Variants in DSTN observed in about 807,000 individuals in gnomAD.
DSTN encodes destrin, actin depolymerizing factor.
Under a neutral mutation model 16.8 loss-of-function variants are expected in DSTN, and 10 were observed. That is an observed-to-expected ratio of 0.60 (90% CI 0.37 to 1.01). The LOEUF (loss-of-function observed/expected upper bound fraction) is 1.01. Among genes scored for constraint, DSTN ranks in the 50% least tolerant of loss-of-function variants. DSTN has a pLI of 0.01. For synonymous variants in DSTN, 57 were observed against 58.9 expected (o/e 0.97, Z 0.14); for missense variants, 141 against 196.7 (o/e 0.72, Z 1.69).
chr20:17,584,849 A>G (rs1346234096), intron 1 of DSTN, among the ~76,000 whole-genome samples: 4 of 152,214 alleles, frequency 2.6e-5, no homozygotes, highest in East Asian at 1.9e-4. Context: ...AAAGTAAGTC[A>G]TAAGTATTTC....
intron 1 of DSTN, among the ~76,000 whole-genome samples, chr20:17,582,673 C>A (rs1229834218): frequency 2.0e-5 from 3 of 152,040 alleles, no homozygotes; most frequent in Non-Finnish European, 4.4e-5. Flanking sequence ...TATTTGGATC[C>A]CTGCTTCATA....
rs753726794 is a variant in DSTN, at chr20:17,600,811, C to T, written c.77C>T (p.Pro26Leu). ...ATGAAAGTTCGTAAATGCTCCACAC[C>T]AGAAGAAATCAAGAAAAGAAAGAAG... ...YDMKVRKCST[P>L]EEIKKRKKAV... Residue 26 changes from proline to leucine, a missense_variant, in exon 2 of 4, where the codon CCA (proline) becomes CTA (leucine). By Grantham distance (98) the Pro-to-Leu change is moderately conservative. Coordinates refer to ENST00000246069, the MANE Select transcript of DSTN (RefSeq NM_006870.4). 2 of 1,613,650 alleles carry T rather than the reference C, an allele frequency of 1.2e-6. No homozygotes were observed. Among genetic ancestry groups the T allele is most frequent in the Non-Finnish European group, 1.7e-6 (2 of 1,179,790 alleles).
chr20:17,601,080 C>A lies in DSTN; in HGVS notation c.311+35C>A, dbSNP rs1234569378. 3 of 1,545,632 alleles carry A rather than the reference C, an allele frequency of 1.9e-6. No homozygotes were observed. The South Asian group carries it at 3.8e-5, about 20-fold the overall frequency. On this transcript the variant is annotated intron_variant, in intron 2 of 3. Transcript: ENST00000246069. ...TTAGAAATATTGAGCCTCTGTAAAA[C>A]TCATTTTGTTAGCACTCGGGAAGAC...
At chr20:17,582,697 T>A (rs2035359774) in intron 1 of DSTN, among the ~76,000 whole-genome samples, 1 of 152,196 alleles carries the variant, frequency 6.6e-6, no homozygotes, top group Non-Finnish European at 1.5e-5. Context: ...TATGTTGTAT[T>A]TAACTTAAAA....
intron 1 of DSTN, among the ~76,000 whole-genome samples, chr20:17,580,582 A>G (rs1252962264): frequency 2.0e-5 from 3 of 152,150 alleles, no homozygotes; most frequent in African/African-American, 7.2e-5. Context: ...CCCTGTCTCT[A>G]CTAAAAATAC....
intron 3 of DSTN, among the ~76,000 whole-genome samples, chr20:17,605,733 G>T (rs1439385569): frequency 6.6e-6 from 1 of 152,160 alleles, no homozygotes; most frequent in Non-Finnish European, 1.5e-5. Context: ...GTTCACAGTG[G>T]ATTCCTTATT....
At chr20:17,581,772 T>TA (rs1324353219) in intron 1 of DSTN, among the ~76,000 whole-genome samples, 1 of 152,148 alleles carries the variant, frequency 6.6e-6, no homozygotes, top group Admixed American at 6.5e-5. Context: ...TTGAGGTTCT[T>TA]AGAATTTTGA....
At chr20:17,591,772 C>G (rs1431546835) in intron 1 of DSTN, among the ~76,000 whole-genome samples, 1 of 152,216 alleles carries the variant, frequency 6.6e-6, no homozygotes, top group Non-Finnish European at 1.5e-5. Context: ...GAGATAATGA[C>G]TTGCCTAAGG....
chr20:17,574,586 C>T (rs74769072), intron 1 of DSTN, among the ~76,000 whole-genome samples: 3 of 151,920 alleles, frequency 2.0e-5, no homozygotes, highest in East Asian at 1.9e-4. Flanking sequence ...TATAGCTGGG[C>T]GTGGTGGCAC....
chr20:17,606,177 T>A (rs1345150715), intron 3 of DSTN, among the ~76,000 whole-genome samples: 1 of 152,020 alleles, frequency 6.6e-6, no homozygotes, highest in Non-Finnish European at 1.5e-5. Context: ...CTTTCTCAGA[T>A]CAGTCCTGAG....
At position 17,607,024 on chromosome 20, in the gene DSTN, T is replaced by G. The variant is rs144850804; in HGVS notation, c.389-13T>G. 702 of 1,612,010 alleles carry G rather than the reference T, an allele frequency of 4.4e-4. 4 individuals are homozygous for G. The African/African-American group carries it at 7.7e-3, about 18-fold the overall frequency. ...CCATAATTGTAAATAGAAGTGTTGT[T>G]TTTTCTCTCTAGGCATAAAACATGA... On this transcript the variant is annotated splice_polypyrimidine_tract_variant and intron_variant, in intron 3 of 3. Transcript: ENST00000246069.
At chr20:17,603,560 C>T (rs997171726) in intron 2 of DSTN, among the ~76,000 whole-genome samples, 22 of 152,070 alleles carry the variant, frequency 1.4e-4, no homozygotes, top group African/African-American at 5.1e-4. Context: ...TATGGGTTGG[C>T]GTACAGAGGA....
chr20:17,573,616 T>C (rs908021474), intron 1 of DSTN, among the ~76,000 whole-genome samples: 1 of 152,212 alleles, frequency 6.6e-6, no homozygotes, highest in Non-Finnish European at 1.5e-5. Context: ...ACTCTACTAC[T>C]GGTTCGTTCT....
At chr20:17,592,969 A>G (rs2035486289) in intron 1 of DSTN, among the ~76,000 whole-genome samples, 1 of 152,162 alleles carries the variant, frequency 6.6e-6, no homozygotes, top group South Asian at 2.1e-4. Context: ...TCTCTTACGC[A>G]TGGCTTCATG....
chr20:17,592,869 C>T (rs961878459), intron 1 of DSTN, among the ~76,000 whole-genome samples: 3 of 152,182 alleles, frequency 2.0e-5, no homozygotes, highest in African/African-American at 7.2e-5. Context: ...GCTGCCACTA[C>T]CCTAGTGAAG....
intron 1 of DSTN, 82 bp downstream of exon 1, chr20:17,570,293 G>A (rs1010750186): frequency 2.2e-6 from 3 of 1,388,614 alleles, no homozygotes; most frequent in South Asian, 3.2e-5. Flanking sequence ...CGGGGCTAAG[G>A]GGGTGAGCCG....
chr20:17,572,552 T>G (rs2035219152), intron 1 of DSTN, among the ~76,000 whole-genome samples: 1 of 152,198 alleles, frequency 6.6e-6, no homozygotes, highest in African/African-American at 2.4e-5. Context: ...TTAAAAGGTT[T>G]GCACGATAAT....
intron 1 of DSTN, among the ~76,000 whole-genome samples, chr20:17,595,761 A>T (rs911948910): frequency 3.3e-5 from 5 of 152,158 alleles, no homozygotes; most frequent in African/African-American, 4.8e-5. Flanking sequence ...TAGCTGTCTC[A>T]TAGAATTGTT....
At chr20:17,583,342 C>T (rs1249709298) in intron 1 of DSTN, among the ~76,000 whole-genome samples, 1 of 152,134 alleles carries the variant, frequency 6.6e-6, no homozygotes, top group Non-Finnish European at 1.5e-5. Context: ...CTCCTACCTA[C>T]ATATCCAAGC....
Sources: gnomAD v4.1 joint callset for allele counts (sites outside exome capture counted in the v4.1 genomes callset) on GRCh38, gnomAD v4.1.1 for gene constraint, MANE v1.5 for transcripts, NCBI Gene and HGNC (gene_info 2026-07-23, HGNC 2026-07-21) for gene names.